The following DDAH1 variants were observed in gnomAD, a reference collection of about 807,000 sequenced individuals.
DDAH1 encodes the protein N(G),N(G)-dimethylarginine dimethylaminohydrolase 1.
A neutral mutation model predicts 28.8 loss-of-function variants in DDAH1; 19 were observed. The observed-to-expected ratio is 0.66, with a 90% CI of 0.46 to 0.97. DDAH1 has a LOEUF of 0.97. Ranked by LOEUF, DDAH1 falls within the 50% of genes least tolerant of loss-of-function variation. The pLI is 0.00. For missense variants in DDAH1, 326 were observed against 375.9 expected (o/e 0.87, Z 1.10); for synonymous variants, 153 against 154.4 (o/e 0.99, Z 0.07).
At chr1:85,465,376 C>CG (rs1268753218), upstream of DDAH1, among the ~76,000 whole-genome samples, 1 of 152,096 alleles carries the variant, frequency 6.6e-6, no homozygotes, top group Non-Finnish European at 1.5e-5. Flanking sequence ...TATGCGGAGG[C>CG]GGGGGACCTC....
At chr1:85,576,350 G>A (rs930194234) in intron 1 of DDAH1, among the ~76,000 whole-genome samples, 1 of 152,152 alleles carries the variant, frequency 6.6e-6, no homozygotes. Context: ...GATGAGCAGC[G>A]TCCCCAAGGC....
rs145008583 is a variant in DDAH1 at position 85,472,149 on chromosome 1, G to T, written c.-7+24017C>A. ...TATTTCTGTGAAAACAGGCCATAAAGAAATTATCTGACATACCTTGTTTGT... is the reference window on the plus strand; with the variant it reads ...TATTTCTGTGAAAACAGGCCATAAATAAATTATCTGACATACCTTGTTTGT... On this transcript the variant is annotated intron_variant, in intron 2 of 6. Coordinates refer to the DDAH1 transcript ENST00000426972. 2.3e-3 allele frequency among the ~76,000 whole-genome samples: 351 copies of T among 152,286 alleles called. 3 individuals are homozygous for T. The highest frequency in any genetic ancestry group is 0.02 in the South Asian group (97 of 4,820).
intron 4 of DDAH1, among the ~76,000 whole-genome samples, chr1:85,325,357 G>A (rs535691457): frequency 4.3e-5 from 4 of 93,864 alleles, no homozygotes; most frequent in South Asian, 3.5e-4. Context: ...ACGTGCGTGC[G>A]CGCGCGCGCG....
rs368234467 is a variant in DDAH1 at position 85,500,055 on chromosome 1, C to T, written c.-122-3774G>A. ...TCTTCCCCTTCCCCTTTCTTTCTCT[C>T]TCTTTTCTTTTCTTTTCTTTCCTTT... On this transcript the variant is annotated intron_variant, in intron 1 of 6. Transcript: ENST00000426972. 1.3e-3 allele frequency among the ~76,000 whole-genome samples: 144 copies of T among 112,270 alleles called. 3 individuals are homozygous for T. The South Asian group carries it at 0.039, about 31-fold the overall frequency. 73.7% of individuals were successfully genotyped at this position (112,270 alleles called of 152,430 possible).
chr1:85,544,794 C>T (rs1182589947), intron 1 of DDAH1, among the ~76,000 whole-genome samples: 1 of 152,116 alleles, frequency 6.6e-6, no homozygotes, highest in Non-Finnish European at 1.5e-5. Context: ...CACACATTGC[C>T]ACACTATTTA....
intron 1 of DDAH1, chr1:85,435,198 T>C (rs1653878114): frequency 6.6e-6 from 1 of 152,156 alleles, no homozygotes; most frequent in South Asian, 2.1e-4. Flanking sequence ...AGTGCAATAG[T>C]GAGAAGGCAG....
chr1:85,459,748 T>C (rs542877947), intron 1 of DDAH1, among the ~76,000 whole-genome samples: 1 of 152,312 alleles, frequency 6.6e-6, no homozygotes, highest in South Asian at 2.1e-4. Flanking sequence ...AAGATACAAT[T>C]ACGCACAAAC....
intron 2 of DDAH1, among the ~76,000 whole-genome samples, chr1:85,475,718 T>C (rs1258042653): frequency 6.6e-6 from 1 of 152,194 alleles, no homozygotes; most frequent in Non-Finnish European, 1.5e-5. Context: ...ACCTGCATCA[T>C]GCAAAAATGG....
intron 1 of DDAH1, among the ~76,000 whole-genome samples, chr1:85,377,362 T>G (rs991105207): frequency 1.3e-5 from 2 of 152,132 alleles, no homozygotes; most frequent in Non-Finnish European, 1.5e-5. Context: ...TCTTCTAGAC[T>G]CCAAGCATAA....
At chr1:85,472,617 A>T (rs1655654019) in intron 2 of DDAH1, among the ~76,000 whole-genome samples, 1 of 152,198 alleles carries the variant, frequency 6.6e-6, no homozygotes, top group African/African-American at 2.4e-5. Context: ...TTAGGGGCTA[A>T]TGAGATAACC....
At chr1:85,481,237 A>G (rs1656005600) in intron 2 of DDAH1, among the ~76,000 whole-genome samples, 1 of 151,688 alleles carries the variant, frequency 6.6e-6, no homozygotes, top group South Asian at 2.1e-4. Flanking sequence ...AGCTGAGATG[A>G]CAGGTGTGTG....
intron 1 of DDAH1, among the ~76,000 whole-genome samples, chr1:85,437,613 G>GTA: frequency 6.6e-6 from 1 of 152,118 alleles, no homozygotes; most frequent in South Asian, 2.1e-4. Context: ...TACAAAATAT[G>GTA]TGTTAATGCA....
chr1:85,431,095 G>A (rs894853730), intron 1 of DDAH1, among the ~76,000 whole-genome samples: 2 of 152,094 alleles, frequency 1.3e-5, no homozygotes, highest in Non-Finnish European at 2.9e-5. Context: ...AGAGTTTTTA[G>A]CATGAAGGGG....
chr1:85,531,551 A>G (rs1347819952), intron 1 of DDAH1, among the ~76,000 whole-genome samples: 9 of 151,716 alleles, frequency 5.9e-5, no homozygotes, highest in African/African-American at 2.2e-4. Flanking sequence ...GTGTCTTAAC[A>G]TTTCGAATAT....
At chr1:85,454,361 A>G (rs190830849) in intron 1 of DDAH1, among the ~76,000 whole-genome samples, 160 of 152,304 alleles carry the variant, frequency 1.1e-3, no homozygotes, top group African/African-American at 3.6e-3. Context: ...ACAGGGGTCC[A>G]AACAGTCAGG....
chr1:85,335,278 C>A (rs1193225686), intron 4 of DDAH1, among the ~76,000 whole-genome samples: 16 of 152,054 alleles, frequency 1.1e-4, no homozygotes, highest in Admixed American at 1.0e-3. Flanking sequence ...TCAATAATAA[C>A]CTTGAATGTA....
chr1:85,573,870 G>C (rs1659524786), intron 1 of DDAH1, among the ~76,000 whole-genome samples: 1 of 152,214 alleles, frequency 6.6e-6, no homozygotes, highest in African/African-American at 2.4e-5. Flanking sequence ...ATGGAGCCCA[G>C]GGTGCTGTTC....
chr1:85,390,357 C>T (rs955160315), intron 1 of DDAH1, among the ~76,000 whole-genome samples: 12 of 152,198 alleles, frequency 7.9e-5, no homozygotes, highest in Non-Finnish European at 1.8e-4. Flanking sequence ...CTGCACCATC[C>T]TCTACTCCAC....
chr1:85,384,681 T>G (rs906930346), intron 1 of DDAH1, among the ~76,000 whole-genome samples: 3 of 152,198 alleles, frequency 2.0e-5, no homozygotes, highest in Non-Finnish European at 2.9e-5. Flanking sequence ...TACTTTTCTT[T>G]CCTGACCACC....
Sources: gnomAD v4.1 joint callset for allele counts (sites outside exome capture counted in the v4.1 genomes callset) on GRCh38, gnomAD v4.1.1 for gene constraint, MANE v1.5 for transcripts, NCBI Gene and HGNC (gene_info 2026-07-23, HGNC 2026-07-21) for gene names.